Variants in SLC25A48 observed in about 807,000 individuals in gnomAD.
SLC25A48 encodes CTC-321K16.1.
In SLC25A48, 29 loss-of-function variants were observed where a neutral mutation model predicts 32.2. The observed-to-expected ratio is 0.90, with a 90% CI of 0.67 to 1.23. SLC25A48 has a LOEUF of 1.23. Ranked by LOEUF, SLC25A48 falls within the 50% of genes most tolerant of loss-of-function variation. SLC25A48 has a pLI of 0.00. For synonymous variants in SLC25A48, 164 were observed against 172.3 expected (o/e 0.95, Z 0.38); for missense variants, 399 against 422.7 (o/e 0.94, Z 0.49).
intron 3 of SLC25A48, among the ~76,000 whole-genome samples, chr5:135,656,002 C>T (rs562898780): frequency 3.9e-5 from 6 of 152,278 alleles, no homozygotes; most frequent in South Asian, 2.1e-4. Flanking sequence ...CCGTTTGCCA[C>T]GTTGACTCAT....
At chr5:135,766,967 G>C (rs1281007851) in intron 3 of SLC25A48, among the ~76,000 whole-genome samples, 1 of 151,540 alleles carries the variant, frequency 6.6e-6, no homozygotes, top group East Asian at 1.9e-4. Context: ...CATACCACGG[G>C]AAGTATGATA....
chr5:135,625,238 G>A (rs1299460179), intron 1 of SLC25A48, among the ~76,000 whole-genome samples: 1 of 152,148 alleles, frequency 6.6e-6, no homozygotes, highest in Non-Finnish European at 1.5e-5. Flanking sequence ...GAAGAGTCCT[G>A]CAGGAGGACA....
intron 1 of SLC25A48, among the ~76,000 whole-genome samples, chr5:135,595,307 T>G (rs1375345494): frequency 6.6e-6 from 1 of 152,190 alleles, no homozygotes. Flanking sequence ...CCACTGTATG[T>G]CCCTGGAGTT....
At chr5:135,780,271 A>G (rs1399417270) in intron 3 of SLC25A48, among the ~76,000 whole-genome samples, 1 of 105,366 alleles carries the variant, frequency 9.5e-6, no homozygotes, top group African/African-American at 2.9e-5. Flanking sequence ...TATTTTTAGT[A>G]GAGACGGGGT....
At position 135,723,152 on chromosome 5, in the gene SLC25A48, C is replaced by T. The variant is rs556761478; in HGVS notation, c.-521+88196C>T. On this transcript the variant is annotated intron_variant, in intron 3 of 10. Coordinates refer to the SLC25A48 transcript ENST00000646290. Reference sequence around the variant, plus strand: ...CAAGAGGCTTCTAGCAAGCTCAATTCCAAAGTCTGGCGCCCCAGACTATGT... The same window carrying T: ...CAAGAGGCTTCTAGCAAGCTCAATTTCAAAGTCTGGCGCCCCAGACTATGT... Among the ~76,000 whole-genome samples, 7 of 152,306 alleles carry T rather than the reference C, an allele frequency of 4.6e-5. No homozygotes were observed. In the East Asian group the frequency reaches 1.4e-3, roughly 29 times the overall value.
At chr5:135,763,965 C>T (rs1477471884) in intron 3 of SLC25A48, among the ~76,000 whole-genome samples, 12 of 152,142 alleles carry the variant, frequency 7.9e-5, no homozygotes, top group Admixed American at 6.5e-4. Flanking sequence ...TTCTGTCTGC[C>T]GGGTTCAAGC....
At chr5:135,631,757 A>G (rs1752577301) in intron 2 of SLC25A48, among the ~76,000 whole-genome samples, 1 of 152,262 alleles carries the variant, frequency 6.6e-6, no homozygotes, top group Non-Finnish European at 1.5e-5. Context: ...AGGATGATTC[A>G]TTTAAAATGT....
chr5:135,742,896 A>AGTAATGGT (rs1420344932), intron 3 of SLC25A48, among the ~76,000 whole-genome samples: 1 of 136,130 alleles, frequency 7.3e-6, no homozygotes, highest in Non-Finnish European at 1.6e-5. Flanking sequence ...CTTTGCGTAT[A>AGTAATGGT]GTAATGGTCT....
chr5:135,644,444 C>T (rs1441083665), intron 3 of SLC25A48, among the ~76,000 whole-genome samples: 1 of 152,008 alleles, frequency 6.6e-6, no homozygotes, highest in African/African-American at 2.4e-5. Flanking sequence ...TCTGATGAAC[C>T]CCAGGTGCAC....
intron 3 of SLC25A48, among the ~76,000 whole-genome samples, chr5:135,732,629 G>C (rs1303403661): frequency 6.6e-6 from 1 of 152,174 alleles, no homozygotes; most frequent in Admixed American, 6.5e-5. Flanking sequence ...GGAAATGAGA[G>C]GTTCTAAGAG....
intron 3 of SLC25A48, among the ~76,000 whole-genome samples, chr5:135,685,239 A>G (rs2126953653): frequency 6.6e-6 from 1 of 151,398 alleles, no homozygotes; most frequent in Non-Finnish European, 1.5e-5. Flanking sequence ...GCCTTTGTCC[A>G]CTTATCTTTT....
intron 7 of SLC25A48, among the ~76,000 whole-genome samples, chr5:135,887,166 A>G (rs1762764724): frequency 6.6e-6 from 1 of 152,204 alleles, no homozygotes; most frequent in Non-Finnish European, 1.5e-5. Context: ...ATAACATTCT[A>G]TGAAAATAAC....
At chr5:135,643,536 G>A (rs75199488) in intron 3 of SLC25A48, among the ~76,000 whole-genome samples, 1,738 of 152,306 alleles carry the variant, frequency 0.011, 45 homozygotes, top group African/African-American at 0.039. Context: ...CTCCTGCAAT[G>A]CTAATGAAGG....
At chr5:135,604,320 G>A (rs1184024746) in intron 1 of SLC25A48, among the ~76,000 whole-genome samples, 1 of 152,246 alleles carries the variant, frequency 6.6e-6, no homozygotes, top group Non-Finnish European at 1.5e-5. Flanking sequence ...TGGGCCAGGT[G>A]CTTGATAGGC....
intron 3 of SLC25A48, among the ~76,000 whole-genome samples, chr5:135,726,742 G>A (rs1299621559): frequency 6.6e-6 from 1 of 152,198 alleles, no homozygotes; most frequent in Non-Finnish European, 1.5e-5. Context: ...GTTATGTCCA[G>A]TTTTTGGCTA....
At chr5:135,743,450 T>C (rs563723687) in intron 3 of SLC25A48, among the ~76,000 whole-genome samples, 1 of 152,178 alleles carries the variant, frequency 6.6e-6, no homozygotes, top group South Asian at 2.1e-4. Context: ...CTAATTGTCC[T>C]ATGATACAGA....
intron 3 of SLC25A48, among the ~76,000 whole-genome samples, chr5:135,737,487 T>G (rs996867406): frequency 6.6e-6 from 1 of 152,208 alleles, no homozygotes; most frequent in Non-Finnish European, 1.5e-5. Context: ...AGACCTGACA[T>G]GGAGGACAAG....
chr5:135,808,390 G>C (rs1160410575), intron 3 of SLC25A48, among the ~76,000 whole-genome samples: 2 of 151,848 alleles, frequency 1.3e-5, no homozygotes, highest in Admixed American at 1.3e-4. Context: ...AGAAGCCAAG[G>C]ATGATAAGAA....
chr5:135,609,325 A>G (rs1208276856), intron 1 of SLC25A48: 1 of 152,268 alleles, frequency 6.6e-6, no homozygotes, highest in Non-Finnish European at 1.5e-5. Context: ...TGCCAGGAAT[A>G]CAACTGACTG....
Sources: allele counts gnomAD v4.1 joint callset (sites outside exome capture counted in the v4.1 genomes callset), GRCh38; gene constraint gnomAD v4.1.1; transcripts MANE v1.5; gene names NCBI Gene and HGNC (gene_info 2026-07-23, HGNC 2026-07-21).